Variants in IL2RB observed in about 807,000 individuals in gnomAD.
IL2RB encodes the protein interleukin-2 receptor subunit beta.
Under a neutral mutation model 44.2 loss-of-function variants are expected in IL2RB, and 17 were observed. The ratio of observed to expected loss-of-function variants is 0.38; its 90% CI spans 0.26 to 0.58. IL2RB has a LOEUF of 0.58. IL2RB is among the 20% of genes least tolerant of loss of function. IL2RB has a pLI of 0.63. For synonymous variants in IL2RB, 286 were observed against 297.9 expected (o/e 0.96, Z 0.41); for missense variants, 624 against 685.5 (o/e 0.91, Z 1.00).
rs1922018671 is a variant in IL2RB, at chr22:37,142,514, T to A, written c.204-2A>T. The stretch of plus-strand genomic sequence containing the variant: ...AGCTCACAGGTTTGGTTCCACCGCC[T>A]TTCATGGCAAAAGACCCTCTTTAGA... On this transcript the variant is annotated splice_acceptor_variant, in intron 3 of 9. Transcript: ENST00000216223. LOFTEE classifies it high-confidence loss of function. 3.7e-6 allele frequency: 6 copies of A among 1,613,942 alleles called. No homozygotes were observed. Among genetic ancestry groups the A allele is most frequent in the Non-Finnish European group, 5.1e-6 (6 of 1,179,936 alleles).
At chr22:37,153,538 A>G (rs993202138), upstream of IL2RB, among the ~76,000 whole-genome samples, 1 of 152,242 alleles carries the variant, frequency 6.6e-6, no homozygotes, top group African/African-American at 2.4e-5. Context: ...TGTAAGGGCC[A>G]GTTCCTTCCA....
chr22:37,155,908 C>T (rs73408806), intron 1 of IL2RB, among the ~76,000 whole-genome samples: 5,889 of 152,266 alleles, frequency 0.039, 367 homozygotes, highest in African/African-American at 0.14. Context: ...GTCCCACAGC[C>T]CTCCCACCAC....
intron 1 of IL2RB, among the ~76,000 whole-genome samples, chr22:37,169,284 G>A (rs189738524): frequency 6.1e-5 from 9 of 147,190 alleles, no homozygotes; most frequent in Non-Finnish European, 1.0e-4. Context: ...CTTACAGATG[G>A]ATTCTGTTTA....
intron 1 of IL2RB, among the ~76,000 whole-genome samples, chr22:37,163,395 A>G (rs934689688): frequency 3.9e-5 from 6 of 152,328 alleles, no homozygotes; most frequent in Non-Finnish European, 8.8e-5. Context: ...TTGAGAGTTC[A>G]ACCAAGACTT....
In IL2RB at chr22:37,167,329, C is replaced by A. The variant is rs145145065; in HGVS notation, c.-34+7629G>T. ...CCTCTACCCCCAGCCCCAGCCGGCA[C>A]CCTCAGTCTCGTCCCACCATCTCTC... On this transcript the variant is annotated intron_variant, in intron 1 of 5. Coordinates refer to the IL2RB transcript ENST00000429622. 2.8e-3 allele frequency among the ~76,000 whole-genome samples: 422 copies of A among 152,264 alleles called. 3 individuals are homozygous for A. The highest frequency in any genetic ancestry group is 9.1e-3 in the African/African-American group (378 of 41,524).
At chr22:37,139,610 TA>T (rs1266406958) in intron 4 of IL2RB, among the ~76,000 whole-genome samples, 2 of 152,168 alleles carry the variant, frequency 1.3e-5, no homozygotes, top group African/African-American at 4.8e-5. Flanking sequence ...AGCTCCCTGT[TA>T]CAGGAGGCAT....
At chr22:37,137,992 A>G (rs1194608493) in intron 5 of IL2RB, among the ~76,000 whole-genome samples, 1 of 152,046 alleles carries the variant, frequency 6.6e-6, no homozygotes. Flanking sequence ...CACCTGACCT[A>G]CGAAATATAT....
At chr22:37,158,554 T>C (rs903510094) in intron 1 of IL2RB, among the ~76,000 whole-genome samples, 5 of 151,772 alleles carry the variant, frequency 3.3e-5, no homozygotes, top group African/African-American at 4.8e-5. Context: ...CAAGACTCCG[T>C]CTAAAAAAAA....
Position 37,127,953 on chromosome 22 carries a change from T to G in IL2RB, c.*143A>C, listed in dbSNP as rs184918997. 164 of 580,770 alleles carry G rather than the reference T, an allele frequency of 2.8e-4. 1 individual carries two copies. In the Admixed American group the frequency reaches 6.3e-3, roughly 22 times the overall value. The allele number at this position is 580,770 out of a possible 1,614,324, so 36.0% of individuals were successfully genotyped here. ...AATGGATGGACCAAGTGTGCAGGAC[T>G]GGGTGGGGGCCATCCGGGTGGAGAA... On this transcript the variant is annotated 3_prime_UTR_variant, in exon 10 of 10. Coordinates refer to ENST00000216223, the MANE Select transcript of IL2RB (RefSeq NM_000878.5).
At chr22:37,153,396 G>A (rs1254240967), upstream of IL2RB, among the ~76,000 whole-genome samples, 2 of 152,216 alleles carry the variant, frequency 1.3e-5, no homozygotes, top group Non-Finnish European at 2.9e-5. Flanking sequence ...TGCCCAGGAG[G>A]GGCAGGACTG....
rs1405317424 is a variant in IL2RB, at chr22:37,139,144, T to C, written c.361A>G (p.Ile121Val). 1.1e-5 allele frequency: 18 copies of C among 1,613,206 alleles called. No homozygotes were observed. Among genetic ancestry groups the C allele is most frequent in the Non-Finnish European group, 1.5e-5 (18 of 1,179,284 alleles). The stretch of plus-strand genomic sequence containing the variant: ...TTCTCAAAGGGCTTGAAGTCCTGGA[T>C]GGCCATCACCCTCCATCGCACCCCC... ...REGVRWRVMA[I>V]QDFKPFENLR... The change falls in exon 5 of 10, where the codon ATC becomes GTC. Residue 121 changes from isoleucine to valine, a missense_variant. This residue lies in a region of IL2RB where 255 missense variants were observed against 339.9 expected (regional missense o/e 0.75). Coordinates refer to ENST00000216223, the MANE Select transcript of IL2RB (RefSeq NM_000878.5).
At chr22:37,171,323 T>G (rs1354992608) in intron 1 of IL2RB, among the ~76,000 whole-genome samples, 2 of 152,166 alleles carry the variant, frequency 1.3e-5, no homozygotes, top group Non-Finnish European at 2.9e-5. Flanking sequence ...GAGGAGCCCC[T>G]ATGTGCCAAA....
chr22:37,146,624 G>A (rs950265941), intron 1 of IL2RB, among the ~76,000 whole-genome samples: 2 of 152,188 alleles, frequency 1.3e-5, no homozygotes, highest in African/African-American at 4.8e-5. Flanking sequence ...TTTCCGTGAT[G>A]GAGGGCGAGG....
intron 1 of IL2RB, among the ~76,000 whole-genome samples, chr22:37,171,973 T>C (rs1923300848): frequency 6.6e-6 from 1 of 152,144 alleles, no homozygotes; most frequent in South Asian, 2.1e-4. Flanking sequence ...CTCATTTTAC[T>C]GCGGGTCAGA....
chr22:37,167,639 C>A (rs1006882741), intron 1 of IL2RB, among the ~76,000 whole-genome samples: 1 of 152,244 alleles, frequency 6.6e-6, no homozygotes, highest in Non-Finnish European at 1.5e-5. Flanking sequence ...TTTCTCAGGG[C>A]AGCTTTCCCA....
At chr22:37,174,537 A>T (rs550135385) in intron 1 of IL2RB, among the ~76,000 whole-genome samples, 2 of 152,122 alleles carry the variant, frequency 1.3e-5, no homozygotes, top group Non-Finnish European at 2.9e-5. Flanking sequence ...ATGAACCCCA[A>T]CTATGCTTGT....
In IL2RB at chr22:37,128,162, G is replaced by A; in HGVS notation, c.1590C>T (p.Pro530=). ...GEFRALNARL[P]LNTDAYLSLQ... is the part of the protein sequence containing the mutation. ...GGGACAAGTAGGCATCAGTGTTCAG[G>A]GGCAGGCGAGCATTAAGGGCCCTGA... Residue 530 remains proline, a synonymous_variant, in exon 10 of 10, where the codon CCC becomes CCT. Coordinates refer to ENST00000216223, the MANE Select transcript of IL2RB (RefSeq NM_000878.5). This position sits in a 1 kb window ranked among gnomAD's most constrained non-coding sequence, Gnocchi z 4.5. 1.3e-6 allele frequency: 2 copies of A among 1,569,694 alleles called. No individual in the cohort carries two copies. The highest frequency in any genetic ancestry group is 1.7e-6 in the Non-Finnish European group (2 of 1,162,540).
intron 9 of IL2RB, among the ~76,000 whole-genome samples, chr22:37,130,295 G>A (rs978560184): frequency 1.3e-5 from 2 of 152,264 alleles, no homozygotes; most frequent in African/African-American, 4.8e-5. Flanking sequence ...GGCCAGGCCT[G>A]TGGCCAGTGC....
chr22:37,150,553 C>T (rs1487567180), upstream of IL2RB, among the ~76,000 whole-genome samples: 1 of 152,154 alleles, frequency 6.6e-6, no homozygotes, highest in Non-Finnish European at 1.5e-5. Flanking sequence ...GTATCCATCA[C>T]CTCAAGTATT....
Sources: allele counts gnomAD v4.1 joint callset (sites outside exome capture counted in the v4.1 genomes callset), GRCh38; gene constraint gnomAD v4.1.1; regional missense constraint gnomAD v4.1.1; non-coding constraint Gnocchi (gnomAD v3.1); transcripts MANE v1.5; gene names NCBI Gene and HGNC (gene_info 2026-07-23, HGNC 2026-07-21).